Variants in SLC4A3 observed in about 807,000 individuals in gnomAD.
The protein encoded by SLC4A3 is solute carrier family 4 member 3, also known as anion exchange protein 3.
In SLC4A3, 47 loss-of-function variants were observed where a neutral mutation model predicts 114.2. That is an observed-to-expected ratio of 0.41 (90% CI 0.33 to 0.52). The LOEUF (loss-of-function observed/expected upper bound fraction) is 0.52. Among genes scored for constraint, SLC4A3 ranks in the 20% least tolerant of loss-of-function variants. The pLI is 0.21. For missense variants in SLC4A3, 1,312 were observed against 1,668.3 expected, an observed-to-expected ratio of 0.79 and a Z score of 3.72; for synonymous variants, 693 against 710.3, an observed-to-expected ratio of 0.98 and a Z score of 0.39.
Position 219,636,212 on chromosome 2 carries a change from T to C in SLC4A3, c.2192-90T>C. 2 of 1,508,528 alleles carry C rather than the reference T, an allele frequency of 1.3e-6. No homozygotes were observed. The allele number at this position is 1,508,528 out of a possible 1,614,324, so 93.4% of individuals were successfully genotyped here. A position where few individuals can be genotyped will look rare whatever the true frequency, so the allele number is the denominator to read the frequency against. ...TCACTCTAAGGGGCTGCTCTGCTTT[T>C]GTTGGGGGCCCCAGTTTAGGACAAG... On this transcript the variant is annotated intron_variant, in intron 14 of 22. Coordinates refer to ENST00000358055, the MANE Select transcript of SLC4A3 (RefSeq NM_005070.4). The surrounding 1 kb of genome is among the most constrained non-coding windows in gnomAD (Gnocchi z 5.5).
rs1438325452 is a variant in SLC4A3 at position 219,632,065 on chromosome 2, C to T, written c.909C>T (p.Pro303=). The T allele has an allele frequency of 6.2e-7, 1 of 1,613,880 alleles. No individual in the cohort carries two copies. The change falls in exon 7 of 23, where the codon CCC becomes CCT. Residue 303 remains proline (P), a synonymous_variant. Transcript: ENST00000358055. ...GGRGSPSGLA[P]ILRRKKKKKK... ...GGGGCAGTCCCAGCGGCCTGGCCCC[C>T]ATCCTTCGCAGGAAGAAGAAGAAGA...
intron 11 of SLC4A3, 22 bp downstream of exon 11, chr2:219,634,001 G>T: frequency 6.5e-7 from 1 of 1,535,876 alleles, no homozygotes; most frequent in Non-Finnish European, 8.8e-7. Context: ...CGGGCGCCGG[G>T]GGCAGGGTCT....
intron 3 of SLC4A3, 85 bp from the exon 4 acceptor site, chr2:219,629,059 C>T: frequency 6.8e-7 from 1 of 1,461,498 alleles, no homozygotes; most frequent in Non-Finnish European, 9.0e-7. Flanking sequence ...TGTTTGCGGC[C>T]TTGAGCTGGA....
Position 219,639,738 on chromosome 2 carries a change from G to A in SLC4A3, c.3277+3G>A. Reference sequence around the variant, plus strand: ...TGTGCTCATCGCCAGCCTCGTGGGTGAGAGCCCGCCTCCACCCTGCACACC... The same window carrying A: ...TGTGCTCATCGCCAGCCTCGTGGGTAAGAGCCCGCCTCCACCCTGCACACC... On this transcript the variant is annotated splice_donor_region_variant and intron_variant, in intron 20 of 22. Transcript: ENST00000358055. This position sits in a 1 kb window ranked among gnomAD's most constrained non-coding sequence, Gnocchi z 5.9. 1 of 1,603,626 alleles carries A rather than the reference G, an allele frequency of 6.2e-7. No individual in the cohort carries two copies. Among genetic ancestry groups the A allele is most frequent in the East Asian group, 2.2e-5 (1 of 44,828 alleles).
chr2:219,632,053 C>G lies in SLC4A3; in HGVS notation c.897C>G (p.Ser299Arg). 1 of 1,613,918 alleles carries G rather than the reference C, an allele frequency of 6.2e-7. No individual in the cohort carries two copies. Among genetic ancestry groups the G allele is most frequent in the South Asian group, 1.1e-5 (1 of 91,070 alleles). Residue 299 changes from serine to arginine, a missense_variant, in exon 7 of 23, where the codon AGC (serine) becomes AGG (arginine). Coordinates refer to ENST00000358055, the MANE Select transcript of SLC4A3 (RefSeq NM_005070.4). Reference protein sequence around the residue: ...SRTQGGRGSPSGLAPILRRKK... With the variant: ...SRTQGGRGSPRGLAPILRRKK... ...CGCAGGGCGGGAGGGGCAGTCCCAG[C>G]GGCCTGGCCCCCATCCTTCGCAGGA...
rs1699203338 is a variant in SLC4A3 at position 219,638,352 on chromosome 2, GA to G, written c.2856+101del. On this transcript the variant is annotated intron_variant, in intron 18 of 22. Coordinates refer to ENST00000358055, the MANE Select transcript of SLC4A3 (RefSeq NM_005070.4). This position sits in a 1 kb window ranked among gnomAD's most constrained non-coding sequence, Gnocchi z 7.5. Reference sequence around the variant, plus strand: ...GGGCCCTGGGATTGGGATCAGGCCTGAACTCAACTTTCCCAGTGGAGTGGCC... The same window carrying G: ...GGGCCCTGGGATTGGGATCAGGCCTGACTCAACTTTCCCAGTGGAGTGGCC... 5.9e-6 allele frequency: 6 copies of G among 1,010,570 alleles called. No individual in the cohort carries two copies. The East Asian group carries it at 1.6e-4, about 26-fold the overall frequency. 62.6% of individuals were successfully genotyped at this position (1,010,570 alleles called of 1,614,324 possible).
At chr2:219,633,615 G>A (rs1306163598) in intron 10 of SLC4A3, among the ~76,000 whole-genome samples, 158 bp downstream of exon 10, 3 of 152,260 alleles carry the variant, frequency 2.0e-5, no homozygotes, top group African/African-American at 7.2e-5. Context: ...AGGGGTCCCT[G>A]CCCTGAGACG....
chr2:219,640,968 G>T lies in SLC4A3; in HGVS notation c.3621+6G>T. On this transcript the variant is annotated splice_donor_region_variant and intron_variant, in intron 22 of 22. Coordinates refer to ENST00000358055, the MANE Select transcript of SLC4A3 (RefSeq NM_005070.4). ...AGGACAGGGAGCTGCAGGCGGTAAG[G>T]GGGTGGTGGTCTGGGGAAACAGTGT... The T allele has an allele frequency of 1.2e-6, 2 of 1,603,380 alleles. No individual in the cohort carries two copies. Among genetic ancestry groups the T allele is most frequent in the Non-Finnish European group, 8.5e-7 (1 of 1,179,748 alleles).
At position 219,636,631 on chromosome 2, in the gene SLC4A3, A is replaced by G; in HGVS notation, c.2341-49A>G. 6.5e-7 allele frequency: 1 copy of G among 1,549,782 alleles called. No homozygotes were observed. Among genetic ancestry groups the G allele is most frequent in the East Asian group, 2.3e-5 (1 of 44,430 alleles). On this transcript the variant is annotated intron_variant, in intron 15 of 22. Transcript: ENST00000358055. The surrounding 1 kb of genome is among the most constrained non-coding windows in gnomAD (Gnocchi z 5.5). ...GCTGCCTATTCCAGGGGGCATTGAC[A>G]CCCAGGGCAGTCCACCTGTGGGTAA...
At position 219,637,020 on chromosome 2, in the gene SLC4A3, G is replaced by A; in HGVS notation, c.2535+146G>A. On this transcript the variant is annotated intron_variant, in intron 16 of 22. Coordinates refer to ENST00000358055, the MANE Select transcript of SLC4A3 (RefSeq NM_005070.4). This position sits in a 1 kb window ranked among gnomAD's most constrained non-coding sequence, Gnocchi z 4.6. The stretch of plus-strand genomic sequence containing the variant: ...GTGAGGGGTTCTAGGGACACCCTAG[G>A]CTAGGTCTGAGCTGAAGGGGAGGGA... 2.7e-6 allele frequency: 2 copies of A among 753,724 alleles called. 1 individual carries two copies. Among genetic ancestry groups the A allele is most frequent in the South Asian group, 3.6e-5 (2 of 55,876 alleles). The allele number at this position is 753,724 out of a possible 1,614,324, so 46.7% of individuals were successfully genotyped here. A position where few individuals can be genotyped will look rare whatever the true frequency, so the allele number is the denominator to read the frequency against.
intron 10 of SLC4A3, 40 bp downstream of exon 10, chr2:219,633,497 G>T (rs1172748220): frequency 6.8e-7 from 1 of 1,472,378 alleles, no homozygotes; most frequent in South Asian, 1.4e-5. Context: ...GGGACTGAGA[G>T]GGTGTCCAGT....
intron 20 of SLC4A3, among the ~76,000 whole-genome samples, chr2:219,640,118 CA>C (rs1321437385): frequency 1.3e-5 from 2 of 152,066 alleles, no homozygotes; most frequent in African/African-American, 4.8e-5. Context: ...TTAGTAGAGA[CA>C]GGGGTTTCAC....
rs1460596410 is a variant in SLC4A3, at chr2:219,629,661, C to G, written c.577C>G (p.Pro193Ala). 3.1e-6 allele frequency: 5 copies of G among 1,612,806 alleles called. No individual in the cohort carries two copies. The highest frequency in any genetic ancestry group is 1.3e-5 in the African/African-American group (1 of 74,782). The change falls in exon 5 of 23, where the codon CCA becomes GCA. Residue 193 changes from proline (P) to alanine (A), a missense_variant. This residue lies in a region of SLC4A3 where 771 missense variants were observed against 977.7 expected (regional missense o/e 0.79). Transcript: ENST00000358055. ...AVTKPLPSVG[P>A]HTDKSPQHSS... ...CACCAAGCCCCTGCCCTCGGTGGGCCCACACACTGACAAGAGCCCCCAGCA... is the reference window on the plus strand; with the variant it reads ...CACCAAGCCCCTGCCCTCGGTGGGCGCACACACTGACAAGAGCCCCCAGCA...
chr2:219,640,352 C>G, intron 20 of SLC4A3, 78 bp from the exon 21 acceptor site: 1 of 1,506,680 alleles, frequency 6.6e-7, no homozygotes, highest in Non-Finnish European at 9.0e-7. Flanking sequence ...TCAGGCAGAT[C>G]TGTGTCACCT....
At position 219,639,240 on chromosome 2, in the gene SLC4A3, G is replaced by A. The variant is rs78104328; in HGVS notation, c.3024-242G>A. 0.014 allele frequency among the ~76,000 whole-genome samples: 2,191 copies of A among 152,284 alleles called. 48 individuals are homozygous for A. The highest frequency in any genetic ancestry group is 0.05 in the African/African-American group (2,093 of 41,548). On this transcript the variant is annotated intron_variant, in intron 19 of 22. Transcript: ENST00000358055. This position sits in a 1 kb window ranked among gnomAD's most constrained non-coding sequence, Gnocchi z 5.9. ...CTAATTTTGGTTAAACCACAATAAC[G>A]TGGTAAGATCTGGCATCTGGCTTTT...
At position 219,639,812 on chromosome 2, in the gene SLC4A3, C is replaced by A; in HGVS notation, c.3277+77C>A. 1.3e-6 allele frequency: 2 copies of A among 1,538,328 alleles called. No homozygotes were observed. The highest frequency in any genetic ancestry group is 2.3e-4 in the Middle Eastern group (1 of 4,286). On this transcript the variant is annotated intron_variant, in intron 20 of 22. Transcript: ENST00000358055. The surrounding 1 kb of genome is among the most constrained non-coding windows in gnomAD (Gnocchi z 5.9). Reference sequence around the variant, plus strand: ...TACATCTTCACTATCCCAGGCTTGACCCTGAATCTCCCAATGTGCTGTGTG... The same window carrying A: ...TACATCTTCACTATCCCAGGCTTGAACCTGAATCTCCCAATGTGCTGTGTG...
Position 219,634,684 on chromosome 2 carries a change from A to G in SLC4A3, c.1746+80A>G, listed in dbSNP as rs535699472. On this transcript the variant is annotated intron_variant, in intron 12 of 22. Coordinates refer to ENST00000358055, the MANE Select transcript of SLC4A3 (RefSeq NM_005070.4). ...TCCCTCATTGTCCACAGTGGTGCCC[A>G]TAGAGGCAAGGGTGCTAGAGGCCCC... 64 of 1,473,322 alleles carry G rather than the reference A, an allele frequency of 4.3e-5. No homozygotes were observed. In the Middle Eastern group the frequency reaches 9.3e-4, roughly 21 times the overall value. The allele number at this position is 1,473,322 out of a possible 1,614,324, so 91.3% of individuals were successfully genotyped here.
Position 219,636,663 on chromosome 2 carries a change from C to T in SLC4A3, c.2341-17C>T. 6.2e-7 allele frequency: 1 copy of T among 1,609,330 alleles called. No homozygotes were observed. Among genetic ancestry groups the T allele is most frequent in the Non-Finnish European group, 8.5e-7 (1 of 1,177,224 alleles). On this transcript the variant is annotated splice_polypyrimidine_tract_variant and intron_variant, in intron 15 of 22. Coordinates refer to ENST00000358055, the MANE Select transcript of SLC4A3 (RefSeq NM_005070.4). The surrounding 1 kb of genome is among the most constrained non-coding windows in gnomAD (Gnocchi z 5.5). ...GCAGTCCACCTGTGGGTAACGACCG[C>T]TCCTACCCCCACCTAGTTCTGCCGA...
At chr2:219,634,335 T>C (rs1699043610) in intron 11 of SLC4A3, 85 bp from the exon 12 acceptor site, 7 of 1,373,610 alleles carry the variant, frequency 5.1e-6, no homozygotes, top group Non-Finnish European at 7.1e-6. Flanking sequence ...TGCTCAACTG[T>C]CCATGATAGC....
Sources: gnomAD v4.1 joint callset for allele counts (sites outside exome capture counted in the v4.1 genomes callset) on GRCh38, gnomAD v4.1.1 for gene constraint, gnomAD v4.1.1 regional missense constraint, Gnocchi (gnomAD v3.1) non-coding constraint, MANE v1.5 for transcripts, NCBI Gene and HGNC (gene_info 2026-07-23, HGNC 2026-07-21) for gene names.